Variants in SNX24 observed in about 807,000 individuals in gnomAD.
SNX24 encodes the protein sorting nexin-24.
In SNX24, 22 loss-of-function variants were observed where a neutral mutation model predicts 28.7. That is an observed-to-expected ratio of 0.77 (90% CI 0.55 to 1.10). The LOEUF (loss-of-function observed/expected upper bound fraction) is 1.10, where lower values mean the gene tolerates loss of function less well. Ranked by LOEUF, SNX24 falls within the 50% of genes least tolerant of loss-of-function variation. The pLI is 0.00. For synonymous variants in SNX24, 69 were observed against 71.5 expected, an observed-to-expected ratio of 0.96 and a Z score of 0.18; for missense variants, 221 against 201.1, an observed-to-expected ratio of 1.10 and a Z score of -0.60.
Position 122,945,980 on chromosome 5 carries a change from C to G in SNX24, c.145-75C>G, listed in dbSNP as rs553313659. 1.4e-4 allele frequency: 102 copies of G among 733,828 alleles called. 1 individual carries two copies. In the South Asian group the frequency reaches 2.2e-3, roughly 16 times the overall value. 45.5% of individuals were successfully genotyped at this position (733,828 alleles called of 1,614,324 possible). ...ACTTTCTTTTATTGGCCTTTTTTCC[C>G]CAAATAATATCACTATAATTAACAG... On this transcript the variant is annotated intron_variant, in intron 2 of 6. Coordinates refer to ENST00000261369, the MANE Select transcript of SNX24 (RefSeq NM_014035.4).
intron 1 of SNX24, among the ~76,000 whole-genome samples, chr5:122,918,232 G>T (rs777083683): frequency 1.3e-5 from 2 of 152,116 alleles, no homozygotes; most frequent in Admixed American, 6.5e-5. Flanking sequence ...TTCAGCATAC[G>T]AATTGGGAGG....
At chr5:122,943,718 A>C (rs941811660) in intron 2 of SNX24, among the ~76,000 whole-genome samples, 2 of 152,132 alleles carry the variant, frequency 1.3e-5, no homozygotes, top group African/African-American at 4.8e-5. Flanking sequence ...GTCTGCTAGG[A>C]CCATCATACA....
intron 3 of SNX24, among the ~76,000 whole-genome samples, chr5:122,966,083 GT>G (rs146740306): frequency 6.6e-6 from 1 of 152,010 alleles, no homozygotes; most frequent in Non-Finnish European, 1.5e-5. Context: ...GCCAAAAACT[GT>G]TTTTTTCCAA....
Position 123,008,921 on chromosome 5 carries a change from C to A in SNX24, c.*1172C>A. On this transcript the variant is annotated 3_prime_UTR_variant, in exon 7 of 7. Coordinates refer to ENST00000261369, the MANE Select transcript of SNX24 (RefSeq NM_014035.4). ...TCATTGAGATCTAATTAATAGCTAG[C>A]CTATTTATGGTTATTCGTTTTAGTA... The A allele has an allele frequency of 1.0e-6, 1 of 983,480 alleles. No homozygotes were observed. The highest frequency in any genetic ancestry group is 1.2e-6 in the Non-Finnish European group (1 of 827,864). 60.9% of individuals were successfully genotyped at this position (983,480 alleles called of 1,614,324 possible).
At chr5:122,870,417 A>T (rs965446780) in intron 1 of SNX24, among the ~76,000 whole-genome samples, 1 of 152,238 alleles carries the variant, frequency 6.6e-6, no homozygotes, top group Non-Finnish European at 1.5e-5. Flanking sequence ...CATCTAGTGA[A>T]TAGCAGTGGG....
chr5:122,908,222 G>A (rs1317512103), intron 1 of SNX24, among the ~76,000 whole-genome samples: 1 of 152,206 alleles, frequency 6.6e-6, no homozygotes, highest in Non-Finnish European at 1.5e-5. Flanking sequence ...CATCTGTTCC[G>A]TCAACTAGTT....
intron 1 of SNX24, among the ~76,000 whole-genome samples, chr5:122,915,950 C>T (rs575018261): frequency 1.3e-5 from 2 of 152,262 alleles, no homozygotes; most frequent in Non-Finnish European, 2.9e-5. Context: ...AGAGATTTAG[C>T]CCTGGCTGGG....
At chr5:122,865,532 T>G (rs993520802) in intron 1 of SNX24, among the ~76,000 whole-genome samples, 2 of 152,132 alleles carry the variant, frequency 1.3e-5, no homozygotes, top group Admixed American at 6.6e-5. Flanking sequence ...AGAGATGAGG[T>G]TTCATCATGT....
intron 1 of SNX24, among the ~76,000 whole-genome samples, chr5:122,903,750 T>G (rs1757535474): frequency 6.6e-6 from 1 of 152,206 alleles, no homozygotes; most frequent in Non-Finnish European, 1.5e-5. Flanking sequence ...TAAAGCATAA[T>G]TACTGCATGA....
intron 3 of SNX24, among the ~76,000 whole-genome samples, chr5:122,968,817 T>G (rs1245021418): frequency 1.3e-5 from 2 of 152,122 alleles, no homozygotes; most frequent in Non-Finnish European, 2.9e-5. Flanking sequence ...ATAGATACAA[T>G]AAAATAAAAT....
chr5:122,985,915 T>G (rs1291957576), intron 3 of SNX24, among the ~76,000 whole-genome samples: 1 of 152,220 alleles, frequency 6.6e-6, no homozygotes, highest in Non-Finnish European at 1.5e-5. Context: ...CCTGCCCTCT[T>G]GGAGCTGGAG....
intron 1 of SNX24, among the ~76,000 whole-genome samples, chr5:122,878,399 A>T (rs1168131982): frequency 6.6e-6 from 1 of 152,010 alleles, no homozygotes; most frequent in Non-Finnish European, 1.5e-5. Context: ...GAGAGTGAGG[A>T]CCCTGCCAGA....
At chr5:122,978,741 G>A (rs1761271338) in intron 3 of SNX24, among the ~76,000 whole-genome samples, 1 of 152,120 alleles carries the variant, frequency 6.6e-6, no homozygotes, top group African/African-American at 2.4e-5. Flanking sequence ...AATTCCCACA[G>A]CAGTTTGTTT....
chr5:123,013,536 T>G (rs1762630448), downstream of SNX24, among the ~76,000 whole-genome samples: 1 of 152,234 alleles, frequency 6.6e-6, no homozygotes, highest in Admixed American at 6.5e-5. Context: ...AGATACATAG[T>G]GACAGACTGG....
intron 1 of SNX24, among the ~76,000 whole-genome samples, chr5:122,847,054 A>ATGGAGGG (rs1754671906): frequency 6.6e-6 from 1 of 151,444 alleles, no homozygotes; most frequent in Non-Finnish European, 1.5e-5. Flanking sequence ...TCCCATCAGC[A>ATGGAGGG]CTATCAACAG....
intron 3 of SNX24, among the ~76,000 whole-genome samples, chr5:122,970,644 A>G (rs1192777887): frequency 6.6e-6 from 1 of 151,996 alleles, no homozygotes; most frequent in Non-Finnish European, 1.5e-5. Flanking sequence ...AATTTTTTGT[A>G]TTTTTAGTAG....
intron 1 of SNX24, among the ~76,000 whole-genome samples, chr5:122,906,458 C>G (rs1427285666): frequency 6.6e-6 from 1 of 152,188 alleles, no homozygotes; most frequent in Non-Finnish European, 1.5e-5. Context: ...ACTTGACATG[C>G]ATAATCTCAT....
At chr5:122,950,925 C>A (rs1581788098) in intron 3 of SNX24, among the ~76,000 whole-genome samples, 2 of 152,186 alleles carry the variant, frequency 1.3e-5, no homozygotes, top group East Asian at 3.9e-4. Context: ...GGGGACTTTC[C>A]TGAGACTGGA....
chr5:123,027,483 C>G (rs1250954581), intron 5 of SNX24, among the ~76,000 whole-genome samples: 1 of 152,186 alleles, frequency 6.6e-6, no homozygotes, highest in Non-Finnish European at 1.5e-5. Context: ...GATGCCAGCA[C>G]CGAGGGCACG....
Sources: allele counts gnomAD v4.1 joint callset (sites outside exome capture counted in the v4.1 genomes callset), GRCh38; gene constraint gnomAD v4.1.1; transcripts MANE v1.5; gene names NCBI Gene and HGNC (gene_info 2026-07-23, HGNC 2026-07-21).